CHRM2: variants seen among roughly 807,000 people sequenced by gnomAD.
CHRM2 encodes muscarinic acetylcholine receptor M2.
A neutral mutation model predicts 25.0 loss-of-function variants in CHRM2; 8 were observed. The ratio of observed to expected loss-of-function variants is 0.32; its 90% confidence interval spans 0.19 to 0.58. CHRM2 has a LOEUF of 0.58. Ranked by LOEUF, CHRM2 falls within the 20% of genes least tolerant of loss-of-function variation. The probability of loss-of-function intolerance (pLI) is 0.88; values close to 1 mark genes in which losing one functional copy is unlikely to be tolerated. For missense variants in CHRM2, 440 were observed against 567.1 expected (o/e 0.78, Z 2.28); for synonymous variants, 202 against 205.7 (o/e 0.98, Z 0.15).
chr7:136,874,573 C>G (rs1206992337), intron 2 of CHRM2, among the ~76,000 whole-genome samples: 1 of 142,736 alleles, frequency 7.0e-6, no homozygotes, highest in Non-Finnish European at 1.5e-5. Context: ...CTCTGCCCCC[C>G]CTCTCTCCCC....
intron 2 of CHRM2, among the ~76,000 whole-genome samples, chr7:136,909,505 T>C (rs1295659234): frequency 6.6e-6 from 1 of 151,866 alleles, no homozygotes; most frequent in Non-Finnish European, 1.5e-5. Context: ...GCAAAAAGAG[T>C]TCAGATAACT....
At chr7:136,875,810 T>C (rs1796030391) in intron 2 of CHRM2, among the ~76,000 whole-genome samples, 1 of 152,196 alleles carries the variant, frequency 6.6e-6, no homozygotes, top group Admixed American at 6.5e-5. Flanking sequence ...AAAGAATCCA[T>C]GCACATAGCT....
At chr7:136,885,724 C>A (rs949363423) in intron 2 of CHRM2, among the ~76,000 whole-genome samples, 1 of 152,064 alleles carries the variant, frequency 6.6e-6, no homozygotes, top group African/African-American at 2.4e-5. Flanking sequence ...CAATGATATA[C>A]AATACACAGG....
chr7:136,911,714 C>T (rs1321767637), intron 2 of CHRM2, among the ~76,000 whole-genome samples: 1 of 151,846 alleles, frequency 6.6e-6, no homozygotes, highest in Admixed American at 6.6e-5. Context: ...GTTTACATGT[C>T]GAATTTTCTT....
chr7:136,917,885 A>G (rs1798210487), intron 2 of CHRM2, among the ~76,000 whole-genome samples: 2 of 152,034 alleles, frequency 1.3e-5, no homozygotes, highest in African/African-American at 4.8e-5. Context: ...GGATATGAAT[A>G]TTTTGTTTTG....
At position 137,016,444 on chromosome 7, in the gene CHRM2, T is replaced by G. The variant is rs935645217; in HGVS notation, c.*178T>G. ...CGCCTAGGCTCCAGTTTGCAAAAAT[T>G]GCACCTTATAAACTGTCAGTATTAG... On this transcript the variant is annotated 3_prime_UTR_variant, in exon 4 of 4. Coordinates refer to ENST00000680005, the MANE Select transcript of CHRM2 (RefSeq NM_001006630.2). 7.8e-6 allele frequency: 5 copies of G among 644,528 alleles called. No individual in the cohort carries two copies. Among genetic ancestry groups the G allele is most frequent in the Non-Finnish European group, 2.8e-6 (1 of 363,206 alleles). The allele number at this position is 644,528 out of a possible 1,614,324, so 39.9% of individuals were successfully genotyped here. A position where few individuals can be genotyped will look rare whatever the true frequency, so the allele number is the denominator to read the frequency against.
At chr7:136,906,678 T>G (rs1007581380) in intron 2 of CHRM2, among the ~76,000 whole-genome samples, 2 of 151,812 alleles carry the variant, frequency 1.3e-5, no homozygotes, top group African/African-American at 4.8e-5. Context: ...AGCGAATGCA[T>G]ATCTAGGTAT....
chr7:137,011,147 T>C (rs1804777702), intron 3 of CHRM2, among the ~76,000 whole-genome samples: 1 of 151,062 alleles, frequency 6.6e-6, no homozygotes, highest in African/African-American at 2.5e-5. Context: ...ATACCAAATC[T>C]GTATTAGGAA....
At chr7:136,923,604 T>C (rs1457595564) in intron 2 of CHRM2, among the ~76,000 whole-genome samples, 1 of 152,194 alleles carries the variant, frequency 6.6e-6, no homozygotes, top group East Asian at 1.9e-4. Context: ...AGCTACAGAA[T>C]AGAATCCACA....
rs527841620 is a variant in CHRM2, at chr7:136,875,888, TCTC to T, written c.-125+6480_-125+6482del. The stretch of plus-strand genomic sequence containing the variant: ...GCCAATATATTTATTTCCCCTTTAT[TCTC>T]CTCCTCCTCTTCCTCCTCTTCGTGG... On this transcript the variant is annotated intron_variant, in intron 2 of 3. Transcript: ENST00000680005. Among the ~76,000 whole-genome samples the T allele has an allele frequency of 5.5e-3, 835 of 152,230 alleles. 9 individuals are homozygous for T. Among genetic ancestry groups the T allele is most frequent in the African/African-American group, 0.019 (801 of 41,528 alleles).
chr7:136,987,397 C>T (rs971830737), intron 2 of CHRM2, among the ~76,000 whole-genome samples: 1 of 152,214 alleles, frequency 6.6e-6, no homozygotes, highest in African/African-American at 2.4e-5. Context: ...TCTACATTTG[C>T]ACACTCTGAA....
chr7:136,957,560 G>A (rs1800798587), intron 2 of CHRM2, among the ~76,000 whole-genome samples: 1 of 152,156 alleles, frequency 6.6e-6, no homozygotes, highest in African/African-American at 2.4e-5. Context: ...CTATTACTCA[G>A]TGACACTCGA....
At chr7:136,893,036 CTT>C (rs1166853987) in intron 2 of CHRM2, among the ~76,000 whole-genome samples, 1 of 152,072 alleles carries the variant, frequency 6.6e-6, no homozygotes, top group Non-Finnish European at 1.5e-5. Flanking sequence ...TTCTCTCTCT[CTT>C]GTTCTTCTCT....
intron 2 of CHRM2, among the ~76,000 whole-genome samples, chr7:136,958,721 T>G (rs1282639048): frequency 6.6e-6 from 1 of 152,166 alleles, no homozygotes; most frequent in African/African-American, 2.4e-5. Context: ...CCTCCCACAG[T>G]GCTGGGATTA....
chr7:136,894,828 C>T (rs904963510), intron 2 of CHRM2, among the ~76,000 whole-genome samples: 23 of 152,268 alleles, frequency 1.5e-4, no homozygotes, highest in African/African-American at 4.3e-4. Flanking sequence ...CAGGAATTCA[C>T]AAAAAATAGT....
At chr7:136,879,301 T>C (rs991062999) in intron 2 of CHRM2, among the ~76,000 whole-genome samples, 6 of 151,976 alleles carry the variant, frequency 3.9e-5, no homozygotes, top group Non-Finnish European at 8.8e-5. Flanking sequence ...TTTCATACTG[T>C]TATATCTATT....
intron 2 of CHRM2, among the ~76,000 whole-genome samples, chr7:136,911,887 T>C (rs1365136193): frequency 6.6e-6 from 1 of 151,950 alleles, no homozygotes; most frequent in Non-Finnish European, 1.5e-5. Context: ...ATCGATTCCA[T>C]TGAATTCTCA....
chr7:137,013,214 T>C (rs1179239464), intron 3 of CHRM2, among the ~76,000 whole-genome samples: 1 of 152,034 alleles, frequency 6.6e-6, no homozygotes, highest in Non-Finnish European at 1.5e-5. Flanking sequence ...TAAAGGAATA[T>C]GCAACAGTTA....
In CHRM2 at chr7:137,000,518, A is replaced by T. The variant is rs571586887; in HGVS notation, c.-47+8254A>T. 3.8e-3 allele frequency among the ~76,000 whole-genome samples: 534 copies of T among 140,776 alleles called. 7 individuals are homozygous for T. The highest frequency in any genetic ancestry group is 3.2e-3 in the Non-Finnish European group (214 of 66,474). 92.4% of individuals were successfully genotyped at this position (140,776 alleles called of 152,430 possible). On this transcript the variant is annotated intron_variant, in intron 3 of 3. Coordinates refer to ENST00000680005, the MANE Select transcript of CHRM2 (RefSeq NM_001006630.2). Reference sequence around the variant, plus strand: ...CCTAGTCTCATAATATATTATTATTAAAAAAAAAGAAAGAAAGAAAAGAAA... The same window carrying T: ...CCTAGTCTCATAATATATTATTATTTAAAAAAAAGAAAGAAAGAAAAGAAA...
Sources: gnomAD v4.1 joint callset for allele counts (sites outside exome capture counted in the v4.1 genomes callset) on GRCh38, gnomAD v4.1.1 for gene constraint, MANE v1.5 for transcripts, NCBI Gene and HGNC (gene_info 2026-07-23, HGNC 2026-07-21) for gene names.